TMEM245: variants seen among roughly 807,000 people sequenced by gnomAD.
The protein encoded by TMEM245 is protein CG-2.
Under a neutral mutation model 101.2 loss-of-function variants are expected in TMEM245, and 69 were observed. The observed-to-expected ratio is 0.68, with a 90% CI of 0.56 to 0.83. TMEM245 has a LOEUF of 0.83. TMEM245 is among the 40% of genes least tolerant of loss of function. The pLI, the probability that TMEM245 is intolerant of heterozygous loss-of-function variation, is 0.00. For synonymous variants in TMEM245, 537 were observed against 449.8 expected (o/e 1.19, Z -2.45); for missense variants, 1,075 against 1,092.8 (o/e 0.98, Z 0.23).
intron 14 of TMEM245, chr9:109,039,064 G>A (rs3750453): frequency 0.083 from 12,593 of 152,250 alleles, 639 homozygotes; most frequent in South Asian, 0.19. Flanking sequence ...AGCGGCAAAC[G>A]TGACCTTGTA....
In TMEM245 at chr9:109,115,522, C is replaced by CTTTTT. The variant is rs752894720; in HGVS notation, c.579+3808_579+3812dup. Among the ~76,000 whole-genome samples the CTTTTT allele has an allele frequency of 3.6e-3, 243 of 67,218 alleles. 16 individuals are homozygous for CTTTTT. The highest frequency in any genetic ancestry group is 5.4e-3 in the Non-Finnish European group (203 of 37,742). The allele number at this position is 67,218 out of a possible 152,430, so 44.1% of individuals were successfully genotyped here. A position where few individuals can be genotyped will look rare whatever the true frequency, so the allele number is the denominator to read the frequency against. On this transcript the variant is annotated intron_variant, in intron 1 of 17. Transcript: ENST00000374586. ...CTGATTTTTTCCTAGTAACTGGAATCTTTTTTTTTTTTTTTTTTTTTTTTT... is the reference window on the plus strand; with the variant it reads ...CTGATTTTTTCCTAGTAACTGGAATCTTTTTTTTTTTTTTTTTTTTTTTTTTTTTT...
At chr9:109,073,875 T>TTTTA (rs1829414442) in intron 8 of TMEM245, among the ~76,000 whole-genome samples, 1 of 149,668 alleles carries the variant, frequency 6.7e-6, no homozygotes, top group Non-Finnish European at 1.5e-5. Context: ...TTTTTTTTTT[T>TTTTA]AGCCAGGTTC....
At chr9:109,045,706 C>G (rs1383993135) in intron 14 of TMEM245, among the ~76,000 whole-genome samples, 4 of 152,246 alleles carry the variant, frequency 2.6e-5, no homozygotes, top group East Asian at 1.9e-4. Context: ...AAGTAAAAGA[C>G]ACATTTTTAA....
chr9:109,050,020 G>A (rs1350052668), intron 14 of TMEM245, among the ~76,000 whole-genome samples: 1 of 152,108 alleles, frequency 6.6e-6, no homozygotes, highest in African/African-American at 2.4e-5. Context: ...TCAGACTCCT[G>A]GCCTCAAGCA....
chr9:109,111,333 T>C (rs750058167), intron 1 of TMEM245, among the ~76,000 whole-genome samples: 2 of 152,178 alleles, frequency 1.3e-5, no homozygotes, highest in Admixed American at 1.3e-4. Context: ...ACAAAGTAAG[T>C]ACTACCCTTA....
chr9:109,074,180 G>A (rs1052007533), intron 8 of TMEM245, among the ~76,000 whole-genome samples: 7 of 152,028 alleles, frequency 4.6e-5, no homozygotes, highest in African/African-American at 1.7e-4. Flanking sequence ...TAAGGTTTCT[G>A]AGTAAAAAAA....
At chr9:109,042,990 C>A (rs547227942) in intron 14 of TMEM245, among the ~76,000 whole-genome samples, 1 of 151,818 alleles carries the variant, frequency 6.6e-6, no homozygotes, top group Admixed American at 6.6e-5. Context: ...GGACTACAGA[C>A]GCACACACAA....
At chr9:109,086,650 G>A (rs973472967) in intron 6 of TMEM245, among the ~76,000 whole-genome samples, 1 of 152,170 alleles carries the variant, frequency 6.6e-6, no homozygotes, top group African/African-American at 2.4e-5. Context: ...GAAAGGTTAG[G>A]AAACTTCATG....
rs536867550 is a variant in TMEM245 at position 109,029,959 on chromosome 9, G to C, written c.2594+3348C>G. 1.7e-3 allele frequency among the ~76,000 whole-genome samples: 255 copies of C among 152,232 alleles called. 1 individual carries two copies. Among genetic ancestry groups the C allele is most frequent in the African/African-American group, 5.8e-3 (243 of 41,544 alleles). On this transcript the variant is annotated intron_variant, in intron 17 of 17. Transcript: ENST00000374586. Reference sequence around the variant, plus strand: ...TCAAGAGAAAGCAAAAGTCGTATGGGTAAAGAAATATTAGAATATATGACA... The same window carrying C: ...TCAAGAGAAAGCAAAAGTCGTATGGCTAAAGAAATATTAGAATATATGACA...
intron 14 of TMEM245, among the ~76,000 whole-genome samples, chr9:109,044,620 C>G (rs1410524328): frequency 6.6e-6 from 1 of 152,082 alleles, no homozygotes; most frequent in Non-Finnish European, 1.5e-5. Flanking sequence ...TATACAATAA[C>G]CAGTGGGAAA....
intron 1 of TMEM245, among the ~76,000 whole-genome samples, chr9:109,119,073 C>T (rs1019187558): frequency 6.6e-6 from 1 of 152,342 alleles, no homozygotes; most frequent in South Asian, 2.1e-4. Context: ...ATTCTCAATC[C>T]AGGGCACTGT....
At chr9:109,083,561 A>T (rs1314215301) in intron 7 of TMEM245, among the ~76,000 whole-genome samples, 1 of 152,176 alleles carries the variant, frequency 6.6e-6, no homozygotes, top group Non-Finnish European at 1.5e-5. Context: ...TTTTAAATTT[A>T]GAGATGTCAG....
intron 2 of TMEM245, among the ~76,000 whole-genome samples, chr9:109,107,804 T>C (rs1830467483): frequency 6.6e-6 from 1 of 152,168 alleles, no homozygotes; most frequent in African/African-American, 2.4e-5. Flanking sequence ...AGTACCACGC[T>C]GAAAAATCAA....
intron 10 of TMEM245, among the ~76,000 whole-genome samples, chr9:109,064,139 C>G (rs1176049486): frequency 6.6e-6 from 1 of 152,134 alleles, no homozygotes; most frequent in Non-Finnish European, 1.5e-5. Flanking sequence ...CTGCCAAAGA[C>G]AGTTATCAGC....
intron 17 of TMEM245, among the ~76,000 whole-genome samples, chr9:109,028,839 CCAA>C (rs922256076): frequency 5.3e-5 from 8 of 152,072 alleles, no homozygotes; most frequent in South Asian, 2.1e-4. Flanking sequence ...ATGAATTATG[CCAA>C]CAACAGGACT....
At chr9:109,116,557 G>A (rs537241456) in intron 1 of TMEM245, among the ~76,000 whole-genome samples, 1 of 151,342 alleles carries the variant, frequency 6.6e-6, no homozygotes, top group East Asian at 1.9e-4. Context: ...TTTGAGACAG[G>A]GTATTGCTCT....
At position 109,119,568 on chromosome 9, in the gene TMEM245, G is replaced by C. The variant is rs1353192798; in HGVS notation, c.346C>G (p.His116Asp). Residue 116 changes from histidine (H) to aspartate (D), a missense_variant, in exon 1 of 18, where the codon CAC becomes GAC. Physicochemically the swap from His to Asp is moderately conservative, Grantham distance 81. Transcript: ENST00000374586. ...AGCGCGGCCAGGACGATGGGCGTGT[G>C]CGCGCGGTGCAGGCGCTGCAGCCAG... ...RHWLQRLHRA[H>D]TPIVLAALLL... is the part of the protein sequence containing the mutation. The C allele has an allele frequency of 1.3e-6, 2 of 1,540,238 alleles. No homozygotes were observed. The highest frequency in any genetic ancestry group is 4.0e-5 in the Admixed American group (2 of 50,360).
Position 109,098,908 on chromosome 9 carries a change from CAG to C in TMEM245, c.800-5319_800-5318del, listed in dbSNP as rs1271370342. ...AGTCCGGCACACAAGAAAGAGACCA[CAG>C]GTCAGACAGTGTCTGTTAATACAAC... On this transcript the variant is annotated intron_variant, in intron 3 of 17. Coordinates refer to ENST00000374586, the MANE Select transcript of TMEM245 (RefSeq NM_032012.4). Among the ~76,000 whole-genome samples the C allele has an allele frequency of 3.3e-5, 5 of 152,280 alleles. No individual in the cohort carries two copies. The East Asian group carries it at 9.6e-4, about 29-fold the overall frequency.
chr9:109,022,404 T>C (rs562181774), intron 17 of TMEM245, among the ~76,000 whole-genome samples: 1 of 152,346 alleles, frequency 6.6e-6, no homozygotes, highest in East Asian at 1.9e-4. Flanking sequence ...CTTAAAGACT[T>C]TTATGTTCTG....
Sources: gnomAD v4.1 joint callset for allele counts (sites outside exome capture counted in the v4.1 genomes callset) on GRCh38, gnomAD v4.1.1 for gene constraint, MANE v1.5 for transcripts, NCBI Gene and HGNC (gene_info 2026-07-23, HGNC 2026-07-21) for gene names.